The following SAMD12 variants were observed in gnomAD, a reference collection of about 807,000 sequenced individuals.
SAMD12 encodes sterile alpha motif domain containing 12.
A neutral mutation model predicts 15.0 loss-of-function variants in SAMD12; 9 were observed. That is an observed-to-expected ratio of 0.60 (90% CI 0.36 to 1.05). The LOEUF is 1.05. Ranked by LOEUF, SAMD12 falls within the 50% of genes least tolerant of loss-of-function variation. The pLI is 0.01. For missense variants in SAMD12, 230 were observed against 234.2 expected (o/e 0.98, Z 0.12); for synonymous variants, 86 against 90.1 (o/e 0.96, Z 0.25).
At chr8:118,222,928 T>G (rs1586359052) in intron 4 of SAMD12, among the ~76,000 whole-genome samples, 2 of 152,110 alleles carry the variant, frequency 1.3e-5, no homozygotes, top group African/African-American at 4.8e-5. Flanking sequence ...GATCACAGGT[T>G]TAATGCACAG....
intron 4 of SAMD12, among the ~76,000 whole-genome samples, chr8:118,370,861 G>A (rs1275668235): frequency 2.0e-5 from 3 of 152,086 alleles, no homozygotes; most frequent in Non-Finnish European, 4.4e-5. Context: ...GTGATGGGTT[G>A]ATAGGTGCAG....
chr8:118,574,983 A>G (rs761351451), intron 2 of SAMD12, among the ~76,000 whole-genome samples: 11 of 152,226 alleles, frequency 7.2e-5, no homozygotes, highest in African/African-American at 1.2e-4. Context: ...GGTTAAGTAC[A>G]GTCAACCCTT....
chr8:118,131,902 A>G, the SAMD12 span, among the ~76,000 whole-genome samples: 1 of 152,204 alleles, frequency 6.6e-6, no homozygotes, highest in Non-Finnish European at 1.5e-5. Flanking sequence ...CTGAAAATTT[A>G]TATTTTTACA....
chr8:118,325,277 G>T (rs1343373781), intron 4 of SAMD12, among the ~76,000 whole-genome samples: 1 of 152,096 alleles, frequency 6.6e-6, no homozygotes. Flanking sequence ...GTAGCTTCTT[G>T]GGACATGCTT....
the SAMD12 span, among the ~76,000 whole-genome samples, chr8:118,170,498 G>A: frequency 6.6e-6 from 1 of 152,098 alleles, no homozygotes; most frequent in African/African-American, 2.4e-5. Context: ...AGTATGTAAG[G>A]CATGCTACTG....
At chr8:118,269,236 G>C (rs1459583812) in intron 4 of SAMD12, among the ~76,000 whole-genome samples, 14 of 150,566 alleles carry the variant, frequency 9.3e-5, no homozygotes, top group African/African-American at 2.2e-4. Flanking sequence ...GTGTGTGTGT[G>C]TGTGTGTGTG....
At position 118,287,120 on chromosome 8, in the gene SAMD12, A is replaced by ATTT. The variant is rs202195351; in HGVS notation, c.434-89389_434-89388insAAA. 1.4e-3 allele frequency among the ~76,000 whole-genome samples: 185 copies of ATTT among 132,816 alleles called. 4 individuals carry two copies. The highest frequency in any genetic ancestry group is 4.5e-3 in the African/African-American group (147 of 32,936). 87.1% of individuals were successfully genotyped at this position (132,816 alleles called of 152,430 possible). ...GAAACAAGAAACTGAGTAAGGAAGAATATTTTTTTTTTTTTTTTTTTTGAG... is the reference window on the plus strand; with the variant it reads ...GAAACAAGAAACTGAGTAAGGAAGAATTTTATTTTTTTTTTTTTTTTTTTTGAG... On this transcript the variant is annotated intron_variant, in intron 4 of 4. Transcript: ENST00000409003.
At chr8:118,154,496 G>A in the SAMD12 span, among the ~76,000 whole-genome samples, 1 of 152,140 alleles carries the variant, frequency 6.6e-6, no homozygotes, top group Admixed American at 6.5e-5. Context: ...TCACAAAAAT[G>A]TGCATGTATC....
chr8:118,590,694 TAG>T (rs1405660187), intron 1 of SAMD12, among the ~76,000 whole-genome samples: 1 of 152,180 alleles, frequency 6.6e-6, no homozygotes, highest in African/African-American at 2.4e-5. Context: ...AAATAAAATC[TAG>T]AGTCTCATAA....
At chr8:118,468,490 T>C (rs1344557036) in intron 2 of SAMD12, among the ~76,000 whole-genome samples, 1 of 152,162 alleles carries the variant, frequency 6.6e-6, no homozygotes, top group Non-Finnish European at 1.5e-5. Flanking sequence ...AGGCACACGG[T>C]TCTTCAGAGA....
At chr8:118,575,188 G>A (rs1261225413) in intron 2 of SAMD12, among the ~76,000 whole-genome samples, 1 of 152,138 alleles carries the variant, frequency 6.6e-6, no homozygotes, top group Non-Finnish European at 1.5e-5. Flanking sequence ...CTTTAACTCT[G>A]TGCCAAAGAA....
At chr8:118,132,163 A>G in the SAMD12 span, among the ~76,000 whole-genome samples, 1 of 152,218 alleles carries the variant, frequency 6.6e-6, no homozygotes, top group African/African-American at 2.4e-5. Flanking sequence ...ATACATTACC[A>G]TATGGATATA....
chr8:118,332,940 A>G (rs10095542), intron 4 of SAMD12, among the ~76,000 whole-genome samples: 2,453 of 152,224 alleles, frequency 0.016, 32 homozygotes, highest in South Asian at 0.04. Context: ...TAGTGACCTC[A>G]TATTTATCTC....
intron 3 of SAMD12, among the ~76,000 whole-genome samples, chr8:118,424,915 AG>A (rs1221873739): frequency 6.6e-6 from 1 of 151,572 alleles, no homozygotes; most frequent in African/African-American, 2.4e-5. Context: ...CTGACTTGAC[AG>A]GAAGAGAGCA....
At chr8:118,524,500 C>A (rs1446046965) in intron 2 of SAMD12, among the ~76,000 whole-genome samples, 1 of 152,098 alleles carries the variant, frequency 6.6e-6, no homozygotes, top group African/African-American at 2.4e-5. Context: ...TCTTCCCTCC[C>A]CCTAGGATAA....
intron 1 of SAMD12, among the ~76,000 whole-genome samples, chr8:118,594,569 A>G (rs895015387): frequency 5.3e-5 from 8 of 152,162 alleles, no homozygotes; most frequent in Non-Finnish European, 8.8e-5. Flanking sequence ...AGCTGTGGAG[A>G]AAGTAATAAT....
the SAMD12 span, among the ~76,000 whole-genome samples, chr8:118,163,937 C>T: frequency 6.6e-6 from 1 of 150,752 alleles, no homozygotes; most frequent in Non-Finnish European, 1.5e-5. Context: ...TGGGGAGCTT[C>T]AATCTTTTCC....
In SAMD12 at chr8:118,415,538, G is replaced by A. The variant is rs1470621372; in HGVS notation, c.322+24294C>T. On this transcript the variant is annotated intron_variant, in intron 3 of 3. Coordinates refer to ENST00000314727, the MANE Select transcript of SAMD12 (RefSeq NM_207506.3). ...TTTATATTCTAAAAATGACATGAAG[G>A]GAAAAAGATACTTCTTGACAAAAGC... 6.8e-5 allele frequency among the ~76,000 whole-genome samples: 10 copies of A among 147,018 alleles called. No individual in the cohort carries two copies. In the Admixed American group the frequency reaches 6.9e-4, roughly 10 times the overall value.
intron 2 of SAMD12, among the ~76,000 whole-genome samples, chr8:118,460,085 T>C (rs376229236): frequency 7.9e-5 from 12 of 152,212 alleles, no homozygotes; most frequent in African/African-American, 2.9e-4. Flanking sequence ...CTACTTCCAA[T>C]GATAATATGG....
Sources: allele counts gnomAD v4.1 joint callset (sites outside exome capture counted in the v4.1 genomes callset), GRCh38; gene constraint gnomAD v4.1.1; transcripts MANE v1.5; gene names NCBI Gene and HGNC (gene_info 2026-07-23, HGNC 2026-07-21).